Variants in RASGRP1 observed in about 807,000 individuals in gnomAD.
RASGRP1 encodes the protein RAS guanyl-releasing protein 1.
Under a neutral mutation model 95.1 loss-of-function variants are expected in RASGRP1, and 37 were observed. The observed-to-expected ratio is 0.39, with a 90% CI of 0.30 to 0.51. The LOEUF (loss-of-function observed/expected upper bound fraction) is 0.51, where lower values mean the gene tolerates loss of function less well. RASGRP1 is among the 20% of genes least tolerant of loss of function. The pLI is 0.80. For missense variants in RASGRP1, 711 were observed against 965.4 expected (o/e 0.74, Z 3.49); for synonymous variants, 325 against 353.4 (o/e 0.92, Z 0.90).
intron 2 of RASGRP1, among the ~76,000 whole-genome samples, chr15:38,553,246 A>G (rs542638958): frequency 6.6e-6 from 1 of 152,368 alleles, no homozygotes; most frequent in East Asian, 1.9e-4. Context: ...TGTTCCGGGC[A>G]GGAGTGGACA....
At chr15:38,517,090 A>T (rs529831572) in intron 5 of RASGRP1, among the ~76,000 whole-genome samples, 1 of 152,298 alleles carries the variant, frequency 6.6e-6, no homozygotes, top group African/African-American at 2.4e-5. Context: ...GTCTCTTGAT[A>T]AAAGGGTTCT....
intron 5 of RASGRP1, 102 bp downstream of exon 5, chr15:38,518,190 G>A (rs1450830804): frequency 2.7e-6 from 3 of 1,121,412 alleles, no homozygotes; most frequent in African/African-American, 1.5e-5. Flanking sequence ...TGGAGAAAGA[G>A]AGCAGCAGTC....
At chr15:38,513,337 G>A (rs1270414811) in intron 6 of RASGRP1, among the ~76,000 whole-genome samples, 1 of 152,138 alleles carries the variant, frequency 6.6e-6, no homozygotes, top group East Asian at 1.9e-4. Flanking sequence ...TAATTCCCCT[G>A]ACAAAAACAA....
chr15:38,530,532 A>G (rs1359258277), intron 2 of RASGRP1, among the ~76,000 whole-genome samples: 1 of 152,248 alleles, frequency 6.6e-6, no homozygotes, highest in Non-Finnish European at 1.5e-5. Flanking sequence ...CCTCACAGGT[A>G]GCAGTGTTCA....
chr15:38,560,977 T>TAC (rs966462832), intron 1 of RASGRP1, among the ~76,000 whole-genome samples: 38 of 152,294 alleles, frequency 2.5e-4, no homozygotes, highest in African/African-American at 9.1e-4. Flanking sequence ...AAAATACACA[T>TAC]ACACACACAG....
chr15:38,526,417 A>G lies in RASGRP1; in HGVS notation c.221-13T>C. 6.2e-7 allele frequency: 1 copy of G among 1,608,194 alleles called. No homozygotes were observed. The highest frequency in any genetic ancestry group is 8.5e-7 in the Non-Finnish European group (1 of 1,175,154). On this transcript the variant is annotated splice_polypyrimidine_tract_variant and intron_variant, in intron 2 of 16. Coordinates refer to ENST00000310803, the MANE Select transcript of RASGRP1 (RefSeq NM_005739.4). ...TTTCCATCTGCATCTGAAAATATAAAGAGCAGCACCTGAGTTAGGCCCTGG... is the reference window on the plus strand; with the variant it reads ...TTTCCATCTGCATCTGAAAATATAAGGAGCAGCACCTGAGTTAGGCCCTGG...
chr15:38,561,912 G>A (rs1004780485), intron 1 of RASGRP1, among the ~76,000 whole-genome samples: 1 of 152,210 alleles, frequency 6.6e-6, no homozygotes, highest in East Asian at 1.9e-4. Flanking sequence ...GACATGAATT[G>A]AGTACCTATG....
At chr15:38,491,868 T>C (rs1441084811) in intron 16 of RASGRP1, among the ~76,000 whole-genome samples, 2 of 152,210 alleles carry the variant, frequency 1.3e-5, no homozygotes, top group Non-Finnish European at 2.9e-5. Context: ...AATTCTAATC[T>C]TTCTGCGAGC....
intron 2 of RASGRP1, among the ~76,000 whole-genome samples, chr15:38,536,441 C>A (rs370949893): frequency 6.6e-6 from 1 of 152,220 alleles, no homozygotes; most frequent in Non-Finnish European, 1.5e-5. Context: ...ATTTGTATCA[C>A]GTCATTCTTA....
chr15:38,513,533 G>A (rs1362124209), intron 6 of RASGRP1, among the ~76,000 whole-genome samples: 42 of 152,206 alleles, frequency 2.8e-4, no homozygotes, highest in Admixed American at 2.7e-3. Context: ...ATACAAGCCT[G>A]TTTGTATTTC....
At chr15:38,538,905 C>T (rs1185910392) in intron 2 of RASGRP1, among the ~76,000 whole-genome samples, 1 of 152,176 alleles carries the variant, frequency 6.6e-6, no homozygotes, top group Non-Finnish European at 1.5e-5. Context: ...AGTTACGGTG[C>T]CTGACAGTTG....
At position 38,498,964 on chromosome 15, in the gene RASGRP1, T is replaced by TG; in HGVS notation, c.1721-19dup. On this transcript the variant is annotated intron_variant, in intron 14 of 16. Coordinates refer to ENST00000310803, the MANE Select transcript of RASGRP1 (RefSeq NM_005739.4). The stretch of plus-strand genomic sequence containing the variant: ...CCCGCAGTCTGTGGACAAGACATCC[T>TG]GGGTCAAGAAGTCTTTCACTTTTCT... The TG allele has an allele frequency of 6.2e-7, 1 of 1,613,936 alleles. No homozygotes were observed. Among genetic ancestry groups the TG allele is most frequent in the Non-Finnish European group, 8.5e-7 (1 of 1,179,858 alleles).
At chr15:38,507,591 A>G in intron 9 of RASGRP1, 135 bp downstream of exon 9, 2 of 1,003,726 alleles carry the variant, frequency 2.0e-6, no homozygotes, top group Non-Finnish European at 2.9e-6. Flanking sequence ...ATCCCTAGCT[A>G]TATGTTGGAG....
chr15:38,515,797 T>C (rs1161633017), intron 6 of RASGRP1, among the ~76,000 whole-genome samples: 1 of 150,284 alleles, frequency 6.7e-6, no homozygotes, highest in African/African-American at 2.4e-5. Context: ...CCTTTTTTTT[T>C]TTGAGGAAGA....
intron 3 of RASGRP1, chr15:38,524,466 C>G (rs142327934): frequency 5.2e-5 from 8 of 152,620 alleles, no homozygotes; most frequent in African/African-American, 1.9e-4. Flanking sequence ...AGGAGGGTGT[C>G]GTTCCGGGAG....
intron 2 of RASGRP1, among the ~76,000 whole-genome samples, chr15:38,546,249 C>T (rs1057455768): frequency 5.9e-5 from 9 of 152,076 alleles, no homozygotes; most frequent in South Asian, 2.1e-4. Context: ...GATGGAGTCC[C>T]GCTCTGTCAC....
At chr15:38,527,624 A>G (rs1892271429) in intron 2 of RASGRP1, among the ~76,000 whole-genome samples, 1 of 151,636 alleles carries the variant, frequency 6.6e-6, no homozygotes, top group Non-Finnish European at 1.5e-5. Flanking sequence ...AGAGTATCAA[A>G]TGAAAGAATA....
intron 2 of RASGRP1, among the ~76,000 whole-genome samples, chr15:38,533,190 C>T (rs974389069): frequency 6.6e-6 from 1 of 152,210 alleles, no homozygotes; most frequent in Non-Finnish European, 1.5e-5. Context: ...GAGGGCCTAA[C>T]ATGAAATAAC....
At position 38,507,933 on chromosome 15, in the gene RASGRP1, T is replaced by A; in HGVS notation, c.1035A>T (p.Gly345=). The part of the protein sequence containing the change: ...RNYDNYRRAY[G]ECTDFKIPIL... The stretch of plus-strand genomic sequence containing the variant: ...TGGGGATCTTGAAGTCGGTGCACTC[T>A]CCATAGGCTCGCCGGTAATTGTCGT... The change falls in exon 9 of 17, where the codon GGA becomes GGT. Residue 345 remains glycine, a synonymous_variant. Transcript: ENST00000310803. The A allele has an allele frequency of 1.2e-6, 2 of 1,612,528 alleles. No homozygotes were observed. The highest frequency in any genetic ancestry group is 1.7e-6 in the Non-Finnish European group (2 of 1,179,458).
Sources: allele counts gnomAD v4.1 joint callset (sites outside exome capture counted in the v4.1 genomes callset), GRCh38; gene constraint gnomAD v4.1.1; transcripts MANE v1.5; gene names NCBI Gene and HGNC (gene_info 2026-07-23, HGNC 2026-07-21).